The following SLCO2A1 variants were observed in gnomAD, a reference collection of about 807,000 sequenced individuals.
SLCO2A1 encodes the protein solute carrier organic anion transporter family member 2A1.
A neutral mutation model predicts 71.7 loss-of-function variants in SLCO2A1; 60 were observed. The ratio of observed to expected loss-of-function variants is 0.84; its 90% confidence interval spans 0.68 to 1.04. The LOEUF (loss-of-function observed/expected upper bound fraction) is 1.04, where lower values mean the gene tolerates loss of function less well. Ranked by LOEUF, SLCO2A1 falls within the 50% of genes least tolerant of loss-of-function variation. SLCO2A1 has a pLI of 0.00. For missense variants in SLCO2A1, 745 were observed against 813.4 expected (o/e 0.92, Z 1.02); for synonymous variants, 308 against 326.7 (o/e 0.94, Z 0.62).
At chr3:134,027,487 C>T (rs2108082746) in intron 1 of SLCO2A1, among the ~76,000 whole-genome samples, 1 of 152,330 alleles carries the variant, frequency 6.6e-6, no homozygotes, top group African/African-American at 2.4e-5. Context: ...TCAGGTGCAC[C>T]CCCTTAGAGT....
intron 3 of SLCO2A1, among the ~76,000 whole-genome samples, chr3:133,970,528 T>C (rs1316457149): frequency 6.6e-6 from 1 of 152,270 alleles, no homozygotes; most frequent in Non-Finnish European, 1.5e-5. Flanking sequence ...GAAGTAAGAC[T>C]TTATAAATAT....
chr3:134,011,433 A>G (rs1263266664), intron 1 of SLCO2A1, among the ~76,000 whole-genome samples: 1 of 152,226 alleles, frequency 6.6e-6, no homozygotes, highest in Non-Finnish European at 1.5e-5. Flanking sequence ...AGGAGGCTTG[A>G]GCTGCTGTGA....
chr3:133,978,878 C>T (rs1477348917), intron 2 of SLCO2A1, among the ~76,000 whole-genome samples: 5 of 152,206 alleles, frequency 3.3e-5, no homozygotes, highest in African/African-American at 1.2e-4. Flanking sequence ...ATCTTGTCTT[C>T]CTCTAACTTT....
chr3:134,012,001 G>T (rs969269320), intron 1 of SLCO2A1, among the ~76,000 whole-genome samples: 2 of 152,186 alleles, frequency 1.3e-5, no homozygotes, highest in Non-Finnish European at 2.9e-5. Flanking sequence ...GAGGGTCTCT[G>T]CTGGGCCACT....
chr3:133,976,147 C>T (rs1934440665), intron 2 of SLCO2A1, among the ~76,000 whole-genome samples: 1 of 152,054 alleles, frequency 6.6e-6, no homozygotes, highest in African/African-American at 2.4e-5. Context: ...CCAGCATGGC[C>T]AAGAGTGAGA....
At chr3:133,970,400 C>G (rs968462313) in intron 3 of SLCO2A1, among the ~76,000 whole-genome samples, 1 of 152,214 alleles carries the variant, frequency 6.6e-6, no homozygotes, top group African/African-American at 2.4e-5. Context: ...TTCACACCCC[C>G]ACTCAGAGTG....
chr3:133,942,361 T>A, intron 11 of SLCO2A1: 1 of 423,220 alleles, frequency 2.4e-6, no homozygotes, highest in Non-Finnish European at 4.2e-6. Flanking sequence ...ACATGGACGC[T>A]GTGGGACTGA....
rs750003675 is a variant in SLCO2A1, at chr3:133,942,777, G to T, written c.1462-9C>A. The stretch of plus-strand genomic sequence containing the variant: ...CTGCAGTTCAAATAGATCTTCAAGA[G>T]GAAGGGGAGGGAAAAAGGGGGAAAT... On this transcript the variant is annotated splice_polypyrimidine_tract_variant and intron_variant, in intron 10 of 13. Coordinates refer to ENST00000310926, the MANE Select transcript of SLCO2A1 (RefSeq NM_005630.3). 32 of 1,589,320 alleles carry T rather than the reference G, an allele frequency of 2.0e-5. No individual in the cohort carries two copies. Among genetic ancestry groups the T allele is most frequent in the Non-Finnish European group, 2.7e-5 (31 of 1,166,756 alleles).
intron 3 of SLCO2A1, among the ~76,000 whole-genome samples, chr3:133,960,834 G>T (rs1459112833): frequency 1.3e-5 from 2 of 152,144 alleles, no homozygotes. Context: ...TCTGGAGAAG[G>T]TTTCTGGAGA....
chr3:133,980,906 G>A (rs540962856), intron 1 of SLCO2A1, among the ~76,000 whole-genome samples: 1 of 152,204 alleles, frequency 6.6e-6, no homozygotes, highest in Non-Finnish European at 1.5e-5. Flanking sequence ...AACCTGTGTG[G>A]CCACCCCACT....
intron 1 of SLCO2A1, among the ~76,000 whole-genome samples, chr3:134,001,910 G>A (rs1050252550): frequency 1.3e-5 from 2 of 152,086 alleles, no homozygotes; most frequent in Admixed American, 6.5e-5. Context: ...GGAACAAGGC[G>A]AGTAGACCAC....
At chr3:134,028,590 C>T (rs946934770) in intron 1 of SLCO2A1, among the ~76,000 whole-genome samples, 4 of 152,204 alleles carry the variant, frequency 2.6e-5, no homozygotes, top group African/African-American at 9.7e-5. Flanking sequence ...TTCTGTTGGA[C>T]ACATATAACC....
At chr3:134,020,601 G>A (rs186512487) in intron 1 of SLCO2A1, among the ~76,000 whole-genome samples, 1 of 152,378 alleles carries the variant, frequency 6.6e-6, no homozygotes, top group Non-Finnish European at 1.5e-5. Flanking sequence ...AACTTAGTAA[G>A]ACTAGTCTTT....
intron 1 of SLCO2A1, among the ~76,000 whole-genome samples, chr3:134,002,777 C>A (rs914158945): frequency 6.6e-6 from 1 of 152,194 alleles, no homozygotes; most frequent in Non-Finnish European, 1.5e-5. Context: ...AGAACAACCA[C>A]CTTAGACCCA....
intron 3 of SLCO2A1, among the ~76,000 whole-genome samples, chr3:133,967,032 C>G (rs998164343): frequency 6.6e-6 from 1 of 152,192 alleles, no homozygotes; most frequent in Non-Finnish European, 1.5e-5. Context: ...ACCCTGGATA[C>G]TAACTCCCAA....
chr3:133,950,874 T>C (rs4854768), intron 6 of SLCO2A1: 76,232 of 348,612 alleles, frequency 0.22, 8,916 homozygotes, highest in African/African-American at 0.3. Flanking sequence ...AATGTAAAAG[T>C]TGACTGTACC....
At chr3:133,938,294 G>T in intron 12 of SLCO2A1, 135 bp downstream of exon 12, 1 of 795,202 alleles carries the variant, frequency 1.3e-6, no homozygotes, top group Non-Finnish European at 2.2e-6. Context: ...TTTGGCATCT[G>T]CTGTTGATTA....
chr3:133,989,411 C>T (rs2108063681), intron 1 of SLCO2A1, among the ~76,000 whole-genome samples: 1 of 152,304 alleles, frequency 6.6e-6, no homozygotes, highest in African/African-American at 2.4e-5. Flanking sequence ...CCAGTGGTAA[C>T]ACCCCTCTGA....
intron 3 of SLCO2A1, among the ~76,000 whole-genome samples, chr3:133,968,259 C>G (rs956159301): frequency 2.0e-5 from 3 of 151,554 alleles, no homozygotes; most frequent in Non-Finnish European, 2.9e-5. Flanking sequence ...CATAGACACG[C>G]CTCCCTCACA....
Sources: gnomAD v4.1 joint callset for allele counts (sites outside exome capture counted in the v4.1 genomes callset) on GRCh38, gnomAD v4.1.1 for gene constraint, MANE v1.5 for transcripts, NCBI Gene and HGNC (gene_info 2026-07-23, HGNC 2026-07-21) for gene names.